Variants in BRWD3 observed in about 807,000 individuals in gnomAD.
BRWD3 encodes the protein bromodomain and WD repeat domain containing 3.
BRWD3 carries 10 observed loss-of-function variants against 149.7 expected under a neutral mutation model. That is an observed-to-expected ratio of 0.07 (90% CI 0.04 to 0.11). BRWD3 has a LOEUF of 0.11. BRWD3 is among the 10% of genes least tolerant of loss of function. The pLI, the probability that BRWD3 is intolerant of heterozygous loss-of-function variation, is 1.00. For missense variants in BRWD3, 940 were observed against 1,373.2 expected (o/e 0.68, Z 4.99); for synonymous variants, 504 against 456.7 (o/e 1.10, Z -1.32).
At position 80,689,774 on chromosome X, in the gene BRWD3, T is replaced by C. The variant is rs929005653; in HGVS notation, c.3801A>G (p.Ala1267=). ...ATCATGCTGTGATTCTTACCTCCTC[T>C]GCATCAGTACTGTTTCGTTCTTCTG... is the stretch of plus-strand genomic sequence containing the variant. The part of the protein sequence containing the change: ...IKAEERNSTD[A]EEDTEIVDLD... The change falls in exon 33 of 41, where the codon GCA becomes GCG. Residue 1267 remains alanine, a synonymous_variant. Coordinates refer to ENST00000373275, the MANE Select transcript of BRWD3 (RefSeq NM_153252.5). 6.7e-6 allele frequency: 8 copies of C among 1,195,294 alleles called. No homozygotes were observed. Among genetic ancestry groups the C allele is most frequent in the Non-Finnish European group, 9.1e-6 (8 of 883,288 alleles).
intron 17 of BRWD3, among the ~76,000 whole-genome samples, chrX:80,722,064 T>C (rs967351588): frequency 3.6e-5 from 4 of 111,965 alleles, no homozygotes; most frequent in African/African-American, 1.3e-4. Flanking sequence ...GCCAGGCTGG[T>C]CTTGAATGCC....
intron 8 of BRWD3, among the ~76,000 whole-genome samples, chrX:80,742,898 G>A (rs1406721670): frequency 9.0e-6 from 1 of 111,151 alleles, no homozygotes; most frequent in Non-Finnish European, 1.9e-5. Context: ...TCCTTCTCCT[G>A]CCTGATTGCC....
intron 6 of BRWD3, among the ~76,000 whole-genome samples, chrX:80,759,904 C>T (rs1178410213): frequency 9.0e-6 from 1 of 111,179 alleles, no homozygotes; most frequent in Non-Finnish European, 1.9e-5. Context: ...CTCCTTTTAA[C>T]CCCATCCAGT....
At chrX:80,790,524 A>G (rs1227368848) in intron 6 of BRWD3, among the ~76,000 whole-genome samples, 1 of 111,832 alleles carries the variant, frequency 8.9e-6, no homozygotes, top group African/African-American at 3.2e-5. Flanking sequence ...TGCCAGGGCC[A>G]TGACAATTCC....
chrX:80,695,263 T>C (rs1390817394), intron 27 of BRWD3, among the ~76,000 whole-genome samples: 1 of 111,999 alleles, frequency 8.9e-6, no homozygotes, highest in Non-Finnish European at 1.9e-5. Flanking sequence ...TGATTTTTTC[T>C]TTATAAATTA....
At chrX:80,797,436 C>T (rs1211896566) in intron 4 of BRWD3, among the ~76,000 whole-genome samples, 1 of 111,353 alleles carries the variant, frequency 9.0e-6, no homozygotes, top group African/African-American at 3.3e-5. Context: ...ATATACAATC[C>T]AGAAAATGGG....
Position 80,809,643 on chromosome X carries a change from T to C in BRWD3, c.-172A>G, listed in dbSNP as rs914003572. ...ATTCATCGCATCACGTTTCGACCCA[T>C]AGATATTCTAGCCCAAGAGCTGAGG... On this transcript the variant is annotated 5_prime_UTR_variant, in exon 1 of 41. The change abolishes an upstream ATG in the 5' untranslated region. Transcript: ENST00000373275. The C allele has an allele frequency of 3.7e-5, 16 of 431,894 alleles. No homozygotes were observed. Among genetic ancestry groups the C allele is most frequent in the South Asian group, 1.8e-4 (5 of 27,241 alleles). The allele number at this position is 431,894 out of a possible 1,213,427, so 35.6% of individuals were successfully genotyped here. A position where few individuals can be genotyped will look rare whatever the true frequency, so the allele number is the denominator to read the frequency against.
chrX:80,726,942 G>T (rs1371489547), intron 14 of BRWD3, among the ~76,000 whole-genome samples: 1 of 109,846 alleles, frequency 9.1e-6, no homozygotes, highest in East Asian at 2.8e-4. Flanking sequence ...CATAAAGTTA[G>T]TTTGTTAAAC....
rs182566812 is a variant in BRWD3, at chrX:80,762,282, A to G, written c.431-16553T>C. Reference sequence around the variant, plus strand: ...ACGTTAAAGATAAATTCTTAATGCAACTTCTCATTTTACATATAACAAAAC... The same window carrying G: ...ACGTTAAAGATAAATTCTTAATGCAGCTTCTCATTTTACATATAACAAAAC... On this transcript the variant is annotated intron_variant, in intron 6 of 40. Coordinates refer to ENST00000373275, the MANE Select transcript of BRWD3 (RefSeq NM_153252.5). Among the ~76,000 whole-genome samples the G allele has an allele frequency of 3.0e-3, 341 of 111,879 alleles. 2 individuals are homozygous for G. The highest frequency in any genetic ancestry group is 5.0e-3 in the Non-Finnish European group (267 of 53,208).
At chrX:80,780,341 T>A (rs1437872844) in intron 6 of BRWD3, among the ~76,000 whole-genome samples, 2 of 111,448 alleles carry the variant, frequency 1.8e-5, no homozygotes, top group East Asian at 5.5e-4. Context: ...AAAATACTTT[T>A]TTCATTATAT....
rs936013973 is a variant in BRWD3 at position 80,794,498 on chromosome X, T to G, written c.181-726A>C. On this transcript the variant is annotated intron_variant, in intron 4 of 40. Transcript: ENST00000373275. ...CCAGCCTGGGAGAATGAGAGAGACC[T>G]CGACTCAAAAAAATAAAAATAAATA... Among the ~76,000 whole-genome samples, 6 of 108,727 alleles carry G rather than the reference T, an allele frequency of 5.5e-5. No homozygotes were observed. In the East Asian group the frequency reaches 1.4e-3, roughly 26 times the overall value. 94.4% of individuals were successfully genotyped at this position (108,727 alleles called of 115,157 possible).
intron 4 of BRWD3, among the ~76,000 whole-genome samples, chrX:80,794,190 A>T (rs3123262): frequency 0.47 from 51,713 of 109,731 alleles, 11,839 homozygotes; most frequent in Non-Finnish European, 0.7. Context: ...AAAAAGAAAT[A>T]AAAAAAATAA....
intron 24 of BRWD3, among the ~76,000 whole-genome samples, chrX:80,701,217 T>C (rs1189997602): frequency 2.7e-5 from 3 of 110,850 alleles, no homozygotes; most frequent in Non-Finnish European, 5.7e-5. Flanking sequence ...TCATTTTCTA[T>C]ATTTATTACA....
At chrX:80,744,946 T>A (rs1251596714) in intron 7 of BRWD3, among the ~76,000 whole-genome samples, 2 of 111,822 alleles carry the variant, frequency 1.8e-5, no homozygotes, top group Non-Finnish European at 3.8e-5. Flanking sequence ...TCATTCGTTG[T>A]AGCATACAAA....
chrX:80,757,429 T>C (rs1342482463), intron 6 of BRWD3, among the ~76,000 whole-genome samples: 1 of 112,275 alleles, frequency 8.9e-6, no homozygotes, highest in Non-Finnish European at 1.9e-5. Context: ...TTACAGTCAG[T>C]TTCCAACCAT....
At chrX:80,713,017 TG>T (rs1469705760) in intron 20 of BRWD3, among the ~76,000 whole-genome samples, 2 of 99,670 alleles carry the variant, frequency 2.0e-5, no homozygotes, top group Admixed American at 1.1e-4. Flanking sequence ...GGGAGGGAGG[TG>T]GGGGGGCCAG....
rs1428644316 is a variant in BRWD3 at position 80,692,952 on chromosome X, C to A, written c.3251G>T (p.Cys1084Phe). 8.3e-7 allele frequency: 1 copy of A among 1,205,330 alleles called. No homozygotes were observed. The change falls in exon 28 of 41, where the codon TGT becomes TTT. Residue 1084 changes from cysteine to phenylalanine, a missense_variant. Around this residue, in one of 6 missense-constraint regions of BRWD3, gnomAD observed 158 missense variants for 284.0 expected, o/e 0.56. Coordinates refer to ENST00000373275, the MANE Select transcript of BRWD3 (RefSeq NM_153252.5). ...QPEYPDSSFQCYSVHWDNNER... is the reference protein window; with the variant it reads ...QPEYPDSSFQFYSVHWDNNER... ...TAAACATACTTACTGAACACTGTAA[C>A]ACTGGAAAGAACTATCAGGATACTC...
At chrX:80,710,390 C>T (rs770683858) in intron 20 of BRWD3, 12 of 335,134 alleles carry the variant, frequency 3.6e-5, no homozygotes, top group Admixed American at 1.2e-4. Flanking sequence ...TACAGAGCTA[C>T]GTCCACTGGG....
At position 80,802,119 on chromosome X, in the gene BRWD3, G is replaced by A. The variant is rs564376969; in HGVS notation, c.180+6420C>T. Among the ~76,000 whole-genome samples, 32 of 111,580 alleles carry A rather than the reference G, an allele frequency of 2.9e-4. No individual in the cohort carries two copies. The South Asian group carries it at 0.011, about 38-fold the overall frequency. ...ACATTTTAAATATTCTTTTTTTATA[G>A]TACTGTTTTATATGCCCCTTACTTT... On this transcript the variant is annotated intron_variant, in intron 4 of 40. Transcript: ENST00000373275.
Sources: gnomAD v4.1 joint callset for allele counts (sites outside exome capture counted in the v4.1 genomes callset) on GRCh38, gnomAD v4.1.1 for gene constraint, gnomAD v4.1.1 regional missense constraint, MANE v1.5 for transcripts, NCBI Gene and HGNC (gene_info 2026-07-23, HGNC 2026-07-21) for gene names.